The following PNLDC1 variants were observed in gnomAD, a reference collection of about 807,000 sequenced individuals.
PNLDC1 encodes the protein poly(A)-specific ribonuclease PNLDC1.
PNLDC1 carries 70 observed loss-of-function variants against 82.0 expected under a neutral mutation model. That is an observed-to-expected ratio of 0.85 (90% CI 0.70 to 1.04). PNLDC1 has a LOEUF of 1.04. PNLDC1 is among the 50% of genes least tolerant of loss of function. PNLDC1 has a pLI of 0.00. For synonymous variants in PNLDC1, 280 were observed against 249.3 expected (o/e 1.12, Z -1.16); for missense variants, 631 against 661.1 (o/e 0.95, Z 0.50).
chr6:159,814,196 G>A lies in PNLDC1; in HGVS notation c.995+540G>A, dbSNP rs78797833. ...CCTTGTCTCCTTCACTCTGCTCTCCGCAGGGGCACCCAGAGCCGCCAGTCT... is the reference window on the plus strand; with the variant it reads ...CCTTGTCTCCTTCACTCTGCTCTCCACAGGGGCACCCAGAGCCGCCAGTCT... On this transcript the variant is annotated intron_variant, in intron 12 of 18. Transcript: ENST00000392167. Among the ~76,000 whole-genome samples the A allele has an allele frequency of 7.8e-3, 1,190 of 152,240 alleles. 15 individuals carry two copies. The highest frequency in any genetic ancestry group is 0.026 in the African/African-American group (1,093 of 41,528).
upstream of PNLDC1, among the ~76,000 whole-genome samples, chr6:159,799,462 T>G (rs76368151): frequency 1.3e-5 from 2 of 151,444 alleles, no homozygotes; most frequent in East Asian, 3.9e-4. Flanking sequence ...AAGGAAAAAA[T>G]AAAGTATAAC....
Position 159,810,010 on chromosome 6 carries a change from G to T in PNLDC1, c.784-16G>T. 2 of 1,607,936 alleles carry T rather than the reference G, an allele frequency of 1.2e-6. No homozygotes were observed. Among genetic ancestry groups the T allele is most frequent in the South Asian group, 1.1e-5 (1 of 90,938 alleles). On this transcript the variant is annotated splice_polypyrimidine_tract_variant and intron_variant, in intron 9 of 18. Transcript: ENST00000392167. ...ATTTTTTTATTTTCTCTCACCTGTT[G>T]ATTTACTCCAAGTAGCCCTTAGTGG...
At chr6:159,816,117 C>CCCACACCCCTCCCCATCCACCCG in intron 13 of PNLDC1, 84 bp downstream of exon 13, 1 of 1,028,542 alleles carries the variant, frequency 9.7e-7, no homozygotes, top group Non-Finnish European at 1.4e-6. Context: ...CCCTGGTTCC[C>CCCACACCCCTCCCCATCCACCCG]CCACACCCCT....
intron 12 of PNLDC1, among the ~76,000 whole-genome samples, chr6:159,814,718 C>T (rs1288845573): frequency 6.6e-6 from 1 of 152,126 alleles, no homozygotes; most frequent in Non-Finnish European, 1.5e-5. Flanking sequence ...CCCAGCTTTG[C>T]CACTCACTGG....
rs71565753 is a variant in PNLDC1, at chr6:159,820,566, G to A, written c.*49G>A. ...ACCCTCGGGTCCCCATGCTCTCTGGGAGGTGTGCTGGGTGTGTTCGTGTAA... is the reference window on the plus strand; with the variant it reads ...ACCCTCGGGTCCCCATGCTCTCTGGAAGGTGTGCTGGGTGTGTTCGTGTAA... On this transcript the variant is annotated 3_prime_UTR_variant, in exon 19 of 19. Transcript: ENST00000392167. The A allele has an allele frequency of 1.9e-6, 3 of 1,553,782 alleles. No homozygotes were observed. The highest frequency in any genetic ancestry group is 2.7e-6 in the Non-Finnish European group (3 of 1,126,010).
intron 6 of PNLDC1, among the ~76,000 whole-genome samples, chr6:159,804,890 AAAAG>A (rs1562497881): frequency 6.6e-6 from 1 of 152,242 alleles, no homozygotes; most frequent in Non-Finnish European, 1.5e-5. Context: ...TTTAAAAAGA[AAAAG>A]AAACTGACTC....
chr6:159,813,535 C>A, intron 11 of PNLDC1, 66 bp from the exon 12 acceptor site: 1 of 1,426,506 alleles, frequency 7.0e-7, no homozygotes, highest in Non-Finnish European at 9.9e-7. Flanking sequence ...CCATTTGGTA[C>A]TGCCTGAAAC....
intron 16 of PNLDC1, 34 bp from the exon 17 acceptor site, chr6:159,818,912 G>T: frequency 6.2e-7 from 1 of 1,604,436 alleles, no homozygotes; most frequent in Non-Finnish European, 8.5e-7. Flanking sequence ...AGGAAGAACT[G>T]TGGAAAATCT....
intron 7 of PNLDC1, among the ~76,000 whole-genome samples, chr6:159,806,888 C>CTTTT (rs34866272): frequency 9.3e-6 from 1 of 107,758 alleles, no homozygotes; most frequent in Non-Finnish European, 1.9e-5. Flanking sequence ...AATTAGCTGC[C>CTTTT]TTTTTTTTTT....
At position 159,816,003 on chromosome 6, in the gene PNLDC1, A is replaced by G. The variant is rs2115055880; in HGVS notation, c.1030A>G (p.Ile344Val). 6.2e-7 allele frequency: 1 copy of G among 1,613,318 alleles called. No individual in the cohort carries two copies. The highest frequency in any genetic ancestry group is 8.5e-7 in the Non-Finnish European group (1 of 1,179,758). The stretch of plus-strand genomic sequence containing the variant: ...TCCCACCAAGAATTCTGGACCAGAG[A>G]TTGTTCACGCGAGCAGGTGTGAGAA... ...LNPTKNSGPE[I>V]VHASRCEKYV... The change falls in exon 13 of 19, where the codon ATT becomes GTT. Residue 344 changes from isoleucine (I) to valine (V), a missense_variant. By Grantham distance (29) the Ile-to-Val change is conservative (BLOSUM62 3). Coordinates refer to ENST00000392167, the MANE Select transcript of PNLDC1 (RefSeq NM_001271862.2).
intron 9 of PNLDC1, among the ~76,000 whole-genome samples, chr6:159,809,531 T>C (rs1037148232): frequency 1.3e-5 from 2 of 150,866 alleles, no homozygotes; most frequent in Non-Finnish European, 2.9e-5. Context: ...TGGGATCAAG[T>C]AATCTGCCTG....
upstream of PNLDC1, among the ~76,000 whole-genome samples, chr6:159,799,895 C>T (rs575201005): frequency 6.6e-6 from 1 of 152,294 alleles, no homozygotes; most frequent in Non-Finnish European, 1.5e-5. Flanking sequence ...AGACCGTGAG[C>T]CGCAGCAAAG....
At position 159,811,709 on chromosome 6, in the gene PNLDC1, G is replaced by A. The variant is rs200534337; in HGVS notation, c.862G>A (p.Asp288Asn). 70 of 1,612,898 alleles carry A rather than the reference G, an allele frequency of 4.3e-5. No homozygotes were observed. In the East Asian group the frequency reaches 1.3e-3, roughly 30 times the overall value. ...KFFRPLPESY[D>N]QFKQNIHSLF... ...TGGGTTTTTCCCCTCAGAAAGCTAC[G>A]ATCAATTTAAGCAGAATATCCACAG... Residue 288 changes from aspartate to asparagine, a missense_variant, in exon 11 of 19, where the codon GAT becomes AAT. Coordinates refer to ENST00000392167, the MANE Select transcript of PNLDC1 (RefSeq NM_001271862.2).
chr6:159,809,377 C>T (rs998267723), intron 9 of PNLDC1, among the ~76,000 whole-genome samples: 1 of 152,080 alleles, frequency 6.6e-6, no homozygotes, highest in Non-Finnish European at 1.5e-5. Context: ...CTTGACCTCC[C>T]AGGCTTAAGT....
At chr6:159,805,644 G>A (rs1463974128) in intron 6 of PNLDC1, 1 of 208,570 alleles carries the variant, frequency 4.8e-6, no homozygotes, top group Admixed American at 5.0e-5. Flanking sequence ...CCCAGATAGA[G>A]ACTTTATCAC....
At chr6:159,800,641 C>T (rs1562494430) in intron 1 of PNLDC1, 131 bp from the exon 2 acceptor site, 3 of 1,594,686 alleles carry the variant, frequency 1.9e-6, no homozygotes, top group East Asian at 2.2e-5. Flanking sequence ...TCCATTTTCC[C>T]TTCCTGACCT....
At chr6:159,809,238 A>G (rs890988104) in intron 9 of PNLDC1, 80 bp downstream of exon 9, 9 of 1,521,282 alleles carry the variant, frequency 5.9e-6, no homozygotes, top group Non-Finnish European at 8.0e-6. Context: ...CTCCTTCAAC[A>G]ACAAGATAAA....
At chr6:159,809,215 T>C (rs1781562870) in intron 9 of PNLDC1, 57 bp downstream of exon 9, 1 of 1,579,264 alleles carries the variant, frequency 6.3e-7, no homozygotes, top group African/African-American at 1.4e-5. Flanking sequence ...TTTCTGGTCA[T>C]AGATACTAAA....
In PNLDC1 at chr6:159,800,748, T is replaced by G. The variant is rs761794191; in HGVS notation, c.77-24T>G. ...CTGGCGATGTTCTGCACCCGAGGAC[T>G]GCTATTTTTTGCCTTCCTGGCAGGT... On this transcript the variant is annotated intron_variant, in intron 1 of 18. Coordinates refer to ENST00000392167, the MANE Select transcript of PNLDC1 (RefSeq NM_001271862.2). The G allele has an allele frequency of 6.2e-7, 1 of 1,614,208 alleles. No individual in the cohort carries two copies. The highest frequency in any genetic ancestry group is 2.2e-5 in the East Asian group (1 of 44,886).
Sources: allele counts gnomAD v4.1 joint callset (sites outside exome capture counted in the v4.1 genomes callset), GRCh38; gene constraint gnomAD v4.1.1; transcripts MANE v1.5; gene names NCBI Gene and HGNC (gene_info 2026-07-23, HGNC 2026-07-21).